Variants in CSMD1 observed in about 807,000 individuals in gnomAD.
CSMD1 encodes the protein CUB and Sushi multiple domains 1, also known as CUB and sushi domain-containing protein 1.
CSMD1 carries 213 observed loss-of-function variants against 417.5 expected under a neutral mutation model. That is an observed-to-expected ratio of 0.51 (90% CI 0.46 to 0.57). CSMD1 has a LOEUF of 0.57. Ranked by LOEUF, CSMD1 falls within the 20% of genes least tolerant of loss-of-function variation. The pLI, the probability that CSMD1 is intolerant of heterozygous loss-of-function variation, is 0.00. For missense variants in CSMD1, 6,923 were observed against 4,529.7 expected, an observed-to-expected ratio of 1.53 and a Z score of -15.17; for synonymous variants, 2,862 against 1,736.8, an observed-to-expected ratio of 1.65 and a Z score of -16.11.
intron 1 of CSMD1, among the ~76,000 whole-genome samples, chr8:4,809,184 A>G (rs1487232544): frequency 1.3e-5 from 2 of 152,340 alleles, no homozygotes; most frequent in South Asian, 2.1e-4. Flanking sequence ...ACACGTCTTG[A>G]TATCATCTGA....
At chr8:3,645,457 C>G (rs184770079) in intron 7 of CSMD1, among the ~76,000 whole-genome samples, 1 of 152,240 alleles carries the variant, frequency 6.6e-6, no homozygotes, top group Non-Finnish European at 1.5e-5. Flanking sequence ...AACCTTAAAG[C>G]AGACATTTAC....
intron 1 of CSMD1, among the ~76,000 whole-genome samples, chr8:4,920,237 A>G (rs1806343662): frequency 6.6e-6 from 1 of 152,166 alleles, no homozygotes. Context: ...AAATCTACTC[A>G]GACTTATTCT....
chr8:4,216,545 G>T (rs1240304825), intron 3 of CSMD1, among the ~76,000 whole-genome samples: 1 of 152,132 alleles, frequency 6.6e-6, no homozygotes, highest in Non-Finnish European at 1.5e-5. Flanking sequence ...CAAGATCAAA[G>T]AACCCGGCCT....
At chr8:3,311,106 C>A (rs986364797) in intron 23 of CSMD1, among the ~76,000 whole-genome samples, 2 of 152,140 alleles carry the variant, frequency 1.3e-5, no homozygotes, top group Non-Finnish European at 2.9e-5. Flanking sequence ...AACTAACTTT[C>A]CAAATGTCTT....
rs900703910 is a variant in CSMD1, at chr8:3,660,589, C to T, written c.1010-43792G>A. 4.2e-5 allele frequency among the ~76,000 whole-genome samples: 6 copies of T among 141,676 alleles called. No individual in the cohort carries two copies. In the Admixed American group the frequency reaches 4.4e-4, roughly 10 times the overall value. The allele number at this position is 141,676 out of a possible 152,430, so 92.9% of individuals were successfully genotyped here. On this transcript the variant is annotated intron_variant, in intron 7 of 69. Transcript: ENST00000635120. ...AGGCAAGAGTGCAGTGGTGCAATCT[C>T]AGCTCACTGCACCCTCCACCTCCCA...
At chr8:4,851,196 G>C (rs1315381335) in intron 1 of CSMD1, among the ~76,000 whole-genome samples, 1 of 148,700 alleles carries the variant, frequency 6.7e-6, no homozygotes, top group South Asian at 2.1e-4. Flanking sequence ...AATATGCAGT[G>C]TTTGGATTTT....
At chr8:4,784,343 A>C (rs1797298216) in intron 1 of CSMD1, among the ~76,000 whole-genome samples, 1 of 152,202 alleles carries the variant, frequency 6.6e-6, no homozygotes, top group Non-Finnish European at 1.5e-5. Flanking sequence ...TGTCTAGGAA[A>C]ATTCCCCCTG....
chr8:3,260,583 AC>A (rs1224901540), intron 26 of CSMD1, among the ~76,000 whole-genome samples: 3 of 151,886 alleles, frequency 2.0e-5, no homozygotes, highest in Admixed American at 1.3e-4. Context: ...CCGAGAACAA[AC>A]CCCCCTCGAA....
chr8:3,839,268 C>T (rs1308415456), intron 5 of CSMD1, among the ~76,000 whole-genome samples: 1 of 120,762 alleles, frequency 8.3e-6, no homozygotes, highest in Non-Finnish European at 1.6e-5. Flanking sequence ...CTTATATATA[C>T]TATTAATATA....
chr8:4,108,373 T>C (rs1314879085), intron 3 of CSMD1, among the ~76,000 whole-genome samples: 1 of 152,202 alleles, frequency 6.6e-6, no homozygotes, highest in Admixed American at 6.5e-5. Flanking sequence ...CCCGGGTATC[T>C]GTATCAAGAA....
intron 2 of CSMD1, among the ~76,000 whole-genome samples, chr8:4,497,607 G>T (rs1468941850): frequency 1.3e-5 from 2 of 152,246 alleles, no homozygotes; most frequent in Admixed American, 6.5e-5. Context: ...TTTAGGCAAA[G>T]GCAGGCATTT....
intron 5 of CSMD1, among the ~76,000 whole-genome samples, chr8:3,905,186 A>T (rs1808034108): frequency 6.6e-6 from 1 of 152,316 alleles, no homozygotes; most frequent in Middle Eastern, 3.4e-3. Flanking sequence ...TAGAAAAAAT[A>T]TGTTCATATA....
intron 7 of CSMD1, among the ~76,000 whole-genome samples, chr8:3,689,664 G>A (rs140939079): frequency 2.8e-3 from 424 of 152,210 alleles, no homozygotes; most frequent in Non-Finnish European, 4.6e-3. Flanking sequence ...GGCCTTACAC[G>A]AGTCATCTCC....
chr8:3,491,683 G>C (rs1346950472), intron 11 of CSMD1, among the ~76,000 whole-genome samples: 2 of 152,206 alleles, frequency 1.3e-5, no homozygotes, highest in Admixed American at 6.5e-5. Context: ...CAGTTGGCTA[G>C]TGCTTTTTCA....
intron 49 of CSMD1, among the ~76,000 whole-genome samples, chr8:3,079,739 T>C (rs1052554546): frequency 6.6e-6 from 1 of 152,130 alleles, no homozygotes. Flanking sequence ...GAATGCAGGG[T>C]ATAATGGAAA....
intron 1 of CSMD1, among the ~76,000 whole-genome samples, chr8:4,649,538 T>A (rs1295726599): frequency 6.6e-6 from 1 of 152,224 alleles, no homozygotes; most frequent in African/African-American, 2.4e-5. Flanking sequence ...CATCCTATCC[T>A]GACACAATTT....
intron 40 of CSMD1, 174 bp downstream of exon 40, chr8:3,151,223 A>C: frequency 3.8e-6 from 2 of 521,294 alleles, no homozygotes; most frequent in South Asian, 6.3e-5. Context: ...TGATTTTTCA[A>C]ATAAGTTTTC....
At chr8:4,042,495 T>C (rs111672869) in intron 3 of CSMD1, among the ~76,000 whole-genome samples, 22 of 152,064 alleles carry the variant, frequency 1.4e-4, no homozygotes, top group Middle Eastern at 3.4e-3. Context: ...AGTTCAGACA[T>C]GTGAAAACTG....
intron 33 of CSMD1, among the ~76,000 whole-genome samples, chr8:3,191,861 G>A (rs1796444888): frequency 6.6e-6 from 1 of 152,082 alleles, no homozygotes; most frequent in African/African-American, 2.4e-5. Flanking sequence ...ACTGTCTCTG[G>A]GATTCTATCC....
Sources: gnomAD v4.1 joint callset for allele counts (sites outside exome capture counted in the v4.1 genomes callset) on GRCh38, gnomAD v4.1.1 for gene constraint, MANE v1.5 for transcripts, NCBI Gene and HGNC (gene_info 2026-07-23, HGNC 2026-07-21) for gene names.